The following NECAB1 variants were observed in gnomAD, a reference collection of about 807,000 sequenced individuals.
NECAB1 encodes the protein N-terminal EF-hand calcium-binding protein 1.
NECAB1 carries 29 observed loss-of-function variants against 57.5 expected under a neutral mutation model. The ratio of observed to expected loss-of-function variants is 0.50; its 90% confidence interval spans 0.38 to 0.69. The LOEUF (loss-of-function observed/expected upper bound fraction) is 0.69. NECAB1 is among the 30% of genes least tolerant of loss of function. NECAB1 has a pLI of 0.00. For missense variants in NECAB1, 372 were observed against 413.8 expected, an observed-to-expected ratio of 0.90 and a Z score of 0.88; for synonymous variants, 142 against 147.7, an observed-to-expected ratio of 0.96 and a Z score of 0.28.
chr8:90,828,131 G>GT (rs397961666), intron 3 of NECAB1, among the ~76,000 whole-genome samples: 72,590 of 143,332 alleles, frequency 0.51, 19,942 homozygotes, highest in East Asian at 0.83. Context: ...GTTCACTGCA[G>GT]TTTTTTTTTT....
chr8:90,885,409 A>T (rs529328819), intron 5 of NECAB1, among the ~76,000 whole-genome samples: 1 of 152,302 alleles, frequency 6.6e-6, no homozygotes, highest in South Asian at 2.1e-4. Flanking sequence ...TTGCCAGATG[A>T]TGCCTAATGA....
chr8:90,955,444 TA>T, intron 12 of NECAB1, 42 bp from the exon 13 acceptor site: 1 of 1,454,966 alleles, frequency 6.9e-7, no homozygotes, highest in Non-Finnish European at 9.4e-7. Context: ...CTTTGCCCTA[TA>T]AGTTATTTTC....
At chr8:90,836,437 T>C (rs895300697) in intron 3 of NECAB1, among the ~76,000 whole-genome samples, 2 of 152,210 alleles carry the variant, frequency 1.3e-5, no homozygotes, top group African/African-American at 4.8e-5. Context: ...AATAGTTTAA[T>C]TTTATTTTAA....
intron 3 of NECAB1, among the ~76,000 whole-genome samples, chr8:90,849,914 A>G (rs1586057121): frequency 6.6e-6 from 1 of 152,282 alleles, no homozygotes; most frequent in African/African-American, 2.4e-5. Flanking sequence ...TAATAAAATT[A>G]TCTGCTTTTG....
intron 2 of NECAB1, among the ~76,000 whole-genome samples, chr8:90,815,451 A>G (rs761125934): frequency 1.3e-5 from 2 of 152,000 alleles, no homozygotes; most frequent in Non-Finnish European, 2.9e-5. Context: ...GTAAATTTCT[A>G]TAGGTTTTGG....
intron 12 of NECAB1, among the ~76,000 whole-genome samples, chr8:90,953,524 G>A (rs1399255506): frequency 1.3e-5 from 2 of 152,114 alleles, no homozygotes; most frequent in Non-Finnish European, 2.9e-5. Context: ...ATGATTACTG[G>A]AATTTCGTAG....
intron 6 of NECAB1, among the ~76,000 whole-genome samples, chr8:90,919,348 G>A (rs1023482067): frequency 6.6e-6 from 1 of 152,134 alleles, no homozygotes; most frequent in African/African-American, 2.4e-5. Flanking sequence ...TTTCTGAACA[G>A]GCTGATAATA....
chr8:90,873,854 T>G (rs1808664076), intron 4 of NECAB1, among the ~76,000 whole-genome samples: 2 of 150,600 alleles, frequency 1.3e-5, no homozygotes, highest in South Asian at 4.2e-4. Flanking sequence ...CTGAAAAAAA[T>G]ATTTTAAAAA....
intron 3 of NECAB1, among the ~76,000 whole-genome samples, chr8:90,844,213 C>A (rs1812512702): frequency 6.6e-6 from 1 of 152,148 alleles, no homozygotes; most frequent in African/African-American, 2.4e-5. Context: ...GCATCTCTTT[C>A]TCTCTGCTTA....
At chr8:90,913,818 C>T (rs1227773260) in intron 5 of NECAB1, among the ~76,000 whole-genome samples, 2 of 152,164 alleles carry the variant, frequency 1.3e-5, no homozygotes, top group South Asian at 2.1e-4. Flanking sequence ...CTGTGCCACC[C>T]GGGTCTGCAG....
At chr8:90,908,229 T>C (rs564295528) in intron 5 of NECAB1, among the ~76,000 whole-genome samples, 1 of 152,284 alleles carries the variant, frequency 6.6e-6, no homozygotes, top group East Asian at 1.9e-4. Context: ...TTGTCTCATG[T>C]GTATTCCACA....
chr8:90,803,684 G>A (rs1004271871), intron 2 of NECAB1, among the ~76,000 whole-genome samples: 4 of 152,042 alleles, frequency 2.6e-5, no homozygotes, highest in African/African-American at 9.7e-5. Flanking sequence ...CCAACATGCT[G>A]TCAAACTACC....
chr8:90,883,546 T>C (rs1586083002), intron 5 of NECAB1, among the ~76,000 whole-genome samples: 1 of 152,204 alleles, frequency 6.6e-6, no homozygotes, highest in Non-Finnish European at 1.5e-5. Flanking sequence ...GTACCTCTGT[T>C]TGCAGTGTCA....
intron 1 of NECAB1, among the ~76,000 whole-genome samples, chr8:90,795,396 G>C (rs1811643035): frequency 6.6e-6 from 1 of 152,106 alleles, no homozygotes; most frequent in Non-Finnish European, 1.5e-5. Flanking sequence ...GCTAAAGAGG[G>C]AAAGAGGCTG....
At chr8:90,916,753 G>A (rs1809962812) in intron 5 of NECAB1, among the ~76,000 whole-genome samples, 1 of 152,104 alleles carries the variant, frequency 6.6e-6, no homozygotes, top group African/African-American at 2.4e-5. Context: ...ACCATCCACA[G>A]CTCACCCATC....
At chr8:90,955,112 T>TTA (rs59244524) in intron 12 of NECAB1, among the ~76,000 whole-genome samples, 6,098 of 70,568 alleles carry the variant, frequency 0.086, 529 homozygotes, top group South Asian at 0.12. Flanking sequence ...GGTATATAAA[T>TTA]TATATATATA....
Position 90,932,945 on chromosome 8 carries a change from G to A in NECAB1, c.694-1359G>A, listed in dbSNP as rs146315919. Reference sequence around the variant, plus strand: ...ATTAAGGTCTTAATTCTCAAAAGAAGATATATAAAGGGCCAACAAACTATG... The same window carrying A: ...ATTAAGGTCTTAATTCTCAAAAGAAAATATATAAAGGGCCAACAAACTATG... On this transcript the variant is annotated intron_variant, in intron 8 of 12. Coordinates refer to ENST00000417640, the MANE Select transcript of NECAB1 (RefSeq NM_022351.5). Among the ~76,000 whole-genome samples, 50 of 152,144 alleles carry A rather than the reference G, an allele frequency of 3.3e-4. No homozygotes were observed. In the East Asian group the frequency reaches 9.5e-3, roughly 29 times the overall value.
At chr8:90,797,393 C>T (rs774008291) in intron 1 of NECAB1, among the ~76,000 whole-genome samples, 2 of 152,124 alleles carry the variant, frequency 1.3e-5, no homozygotes, top group Non-Finnish European at 2.9e-5. Context: ...TTTATCTATA[C>T]CTCATTTCCG....
At chr8:90,906,885 A>ATATATATATATATATATATGTATG (rs1809674271) in intron 5 of NECAB1, among the ~76,000 whole-genome samples, 1 of 120,924 alleles carries the variant, frequency 8.3e-6, no homozygotes, top group African/African-American at 3.5e-5. Flanking sequence ...ACATATATAT[A>ATATATATATATATATATATGTATG]TATATATATA....
Sources: gnomAD v4.1 joint callset for allele counts (sites outside exome capture counted in the v4.1 genomes callset) on GRCh38, gnomAD v4.1.1 for gene constraint, MANE v1.5 for transcripts, NCBI Gene and HGNC (gene_info 2026-07-23, HGNC 2026-07-21) for gene names.